The following SORCS2 variants were observed in gnomAD, a reference collection of about 807,000 sequenced individuals.
SORCS2 encodes the protein sortilin related VPS10 domain containing receptor 2, also known as VPS10 domain-containing receptor SorCS2.
SORCS2 carries 100 observed loss-of-function variants against 141.6 expected under a neutral mutation model. The observed-to-expected ratio is 0.71, with a 90% confidence interval of 0.60 to 0.83. The LOEUF (loss-of-function observed/expected upper bound fraction) is 0.83, where lower values mean the gene tolerates loss of function less well. Ranked by LOEUF, SORCS2 falls within the 40% of genes least tolerant of loss-of-function variation. The probability of loss-of-function intolerance (pLI) is 0.00; values close to 1 mark genes in which losing one functional copy is unlikely to be tolerated. For synonymous variants in SORCS2, 789 were observed against 676.9 expected (o/e 1.17, Z -2.57); for missense variants, 1,646 against 1,560.2 (o/e 1.05, Z -0.93).
chr4:7,415,872 C>T (rs1577523697), intron 2 of SORCS2, among the ~76,000 whole-genome samples: 1 of 152,244 alleles, frequency 6.6e-6, no homozygotes, highest in African/African-American at 2.4e-5. Flanking sequence ...AGGGGCCCAA[C>T]ATCCAGTGTT....
chr4:7,700,456 A>G (rs1317640223), intron 12 of SORCS2, among the ~76,000 whole-genome samples: 1 of 152,182 alleles, frequency 6.6e-6, no homozygotes, highest in East Asian at 1.9e-4. Context: ...GGCATCCCCA[A>G]CAGAGAGGAC....
In SORCS2 at chr4:7,267,276, G is replaced by A. The variant is rs117612622; in HGVS notation, c.480+74150G>A. 1.2e-4 allele frequency among the ~76,000 whole-genome samples: 19 copies of A among 152,252 alleles called. No homozygotes were observed. In the East Asian group the frequency reaches 3.5e-3, roughly 28 times the overall value. On this transcript the variant is annotated intron_variant, in intron 1 of 26. Coordinates refer to ENST00000507866, the MANE Select transcript of SORCS2 (RefSeq NM_020777.3). ...CCTGTTTTACCTAAGCGTTAAATTC[G>A]TGGATGCTGATTTTCAATTCTTAGC...
At chr4:7,292,941 T>C (rs972111811) in intron 1 of SORCS2, among the ~76,000 whole-genome samples, 2 of 152,210 alleles carry the variant, frequency 1.3e-5, no homozygotes, top group Non-Finnish European at 2.9e-5. Flanking sequence ...TCCATGCAGA[T>C]AGTGTCTGCT....
At chr4:7,245,248 A>T (rs951287325) in intron 1 of SORCS2, among the ~76,000 whole-genome samples, 2 of 152,138 alleles carry the variant, frequency 1.3e-5, no homozygotes, top group African/African-American at 4.8e-5. Context: ...TTTGGGTAGA[A>T]AACAGGCAAA....
intron 2 of SORCS2, among the ~76,000 whole-genome samples, chr4:7,493,898 A>G (rs757339635): frequency 2.6e-5 from 4 of 152,270 alleles, no homozygotes; most frequent in Non-Finnish European, 5.9e-5. Context: ...GAAATAAACC[A>G]GGAAGTAAAA....
intron 1 of SORCS2, among the ~76,000 whole-genome samples, chr4:7,373,019 T>C (rs1722359953): frequency 6.6e-6 from 1 of 151,280 alleles, no homozygotes; most frequent in Non-Finnish European, 1.5e-5. Context: ...TTTTTTTTTT[T>C]TTTCCCCTAT....
Position 7,741,417 on chromosome 4 carries a change from G to A in SORCS2, c.*1153G>A. Reference sequence around the variant, plus strand: ...ACCCTTACGGTTTCCTAGAATCAGGGATGTTAGTGTAAGTCTATAGGAATA... The same window carrying A: ...ACCCTTACGGTTTCCTAGAATCAGGAATGTTAGTGTAAGTCTATAGGAATA... On this transcript the variant is annotated 3_prime_UTR_variant, in exon 27 of 27. Transcript: ENST00000507866. The A allele has an allele frequency of 5.3e-6, 1 of 189,256 alleles. No individual in the cohort carries two copies. Among genetic ancestry groups the A allele is most frequent in the East Asian group, 9.9e-5 (1 of 10,072 alleles). 11.7% of individuals were successfully genotyped at this position (189,256 alleles called of 1,614,324 possible). A position where few individuals can be genotyped will look rare whatever the true frequency, so the allele number is the denominator to read the frequency against.
chr4:7,682,432 G>A (rs886682043), intron 9 of SORCS2, among the ~76,000 whole-genome samples: 1 of 152,178 alleles, frequency 6.6e-6, no homozygotes, highest in Non-Finnish European at 1.5e-5. Flanking sequence ...GCAGGTCAGG[G>A]CTCCAGAACC....
intron 2 of SORCS2, among the ~76,000 whole-genome samples, chr4:7,411,620 C>T (rs368671853): frequency 6.6e-6 from 1 of 152,160 alleles, no homozygotes; most frequent in South Asian, 2.1e-4. Context: ...ATCCACCCCT[C>T]CATCCACCTA....
intron 26 of SORCS2, among the ~76,000 whole-genome samples, chr4:7,739,535 C>T (rs1712476986): frequency 6.6e-6 from 1 of 152,230 alleles, no homozygotes; most frequent in Non-Finnish European, 1.5e-5. Context: ...CCGTCTGACC[C>T]ACGCCAGTCC....
intron 3 of SORCS2, among the ~76,000 whole-genome samples, chr4:7,533,971 A>G (rs75110746): frequency 0.097 from 14,841 of 152,218 alleles, 864 homozygotes; most frequent in African/African-American, 0.17. Flanking sequence ...CTCTACAGGC[A>G]GCACCGGGGA....
At chr4:7,335,503 C>T (rs552614735) in intron 1 of SORCS2, among the ~76,000 whole-genome samples, 26 of 152,320 alleles carry the variant, frequency 1.7e-4, no homozygotes, top group Non-Finnish European at 3.7e-4. Context: ...CTGGGCGGGC[C>T]TCACCCTGCC....
chr4:7,443,098 T>G (rs1044249344), intron 2 of SORCS2, among the ~76,000 whole-genome samples: 1 of 152,224 alleles, frequency 6.6e-6, no homozygotes, highest in African/African-American at 2.4e-5. Context: ...CCATCTGAAT[T>G]GAATATGACC....
intron 9 of SORCS2, among the ~76,000 whole-genome samples, chr4:7,679,276 G>A (rs1723362712): frequency 6.6e-6 from 1 of 152,196 alleles, no homozygotes; most frequent in African/African-American, 2.4e-5. Context: ...GGTTATGAAT[G>A]GGGACTTAGG....
chr4:7,428,164 C>T (rs558391217), intron 2 of SORCS2, among the ~76,000 whole-genome samples: 11 of 152,272 alleles, frequency 7.2e-5, no homozygotes, highest in South Asian at 6.2e-4. Flanking sequence ...GTCCCTGGGG[C>T]GGCTGCTGGA....
intron 2 of SORCS2, chr4:7,434,081 C>T (rs1727097529): frequency 6.2e-7 from 1 of 1,611,900 alleles, no homozygotes. Flanking sequence ...TCCATGGCCA[C>T]TACTTGAGTC....
chr4:7,428,981 G>T (rs1247208921), intron 2 of SORCS2, among the ~76,000 whole-genome samples: 2 of 152,274 alleles, frequency 1.3e-5, no homozygotes, highest in African/African-American at 4.8e-5. Flanking sequence ...AGGATTAGTT[G>T]TCACTGTAAC....
At chr4:7,491,645 A>C (rs1307703768) in intron 2 of SORCS2, among the ~76,000 whole-genome samples, 4 of 152,218 alleles carry the variant, frequency 2.6e-5, no homozygotes, top group African/African-American at 9.6e-5. Flanking sequence ...CTCATTTGTA[A>C]CAGGAGATGA....
intron 9 of SORCS2, among the ~76,000 whole-genome samples, chr4:7,679,026 T>C (rs1723341274): frequency 2.6e-5 from 4 of 152,190 alleles, no homozygotes; most frequent in Admixed American, 2.6e-4. Flanking sequence ...TTGCCCTTTC[T>C]GGGGATCAGG....
Sources: gnomAD v4.1 joint callset for allele counts (sites outside exome capture counted in the v4.1 genomes callset) on GRCh38, gnomAD v4.1.1 for gene constraint, MANE v1.5 for transcripts, NCBI Gene and HGNC (gene_info 2026-07-23, HGNC 2026-07-21) for gene names.